The following PCDHGA11 variants were observed in gnomAD, a reference collection of about 807,000 sequenced individuals.
PCDHGA11 encodes the protein protocadherin gamma subfamily A, 11, also known as protocadherin gamma-A11.
Under a neutral mutation model 60.4 loss-of-function variants are expected in PCDHGA11, and 39 were observed. The observed-to-expected ratio is 0.65, with a 90% CI of 0.50 to 0.84. The LOEUF (loss-of-function observed/expected upper bound fraction) is 0.84, where lower values mean the gene tolerates loss of function less well. Among genes scored for constraint, PCDHGA11 ranks in the 40% least tolerant of loss-of-function variants. The probability of loss-of-function intolerance (pLI) is 0.00; values close to 1 mark genes in which losing one functional copy is unlikely to be tolerated. For missense variants in PCDHGA11, 1,165 were observed against 1,197.7 expected (o/e 0.97, Z 0.40); for synonymous variants, 533 against 510.3 (o/e 1.04, Z -0.60).
intron 1 of PCDHGA11, among the ~76,000 whole-genome samples, chr5:141,471,035 G>A (rs2099247157): frequency 7.1e-6 from 1 of 141,386 alleles, no homozygotes; most frequent in Admixed American, 7.1e-5. Flanking sequence ...TTATTAACAA[G>A]CCCAAGCCCT....
At chr5:141,483,640 G>T (rs1406049976) in intron 1 of PCDHGA11, among the ~76,000 whole-genome samples, 3 of 144,232 alleles carry the variant, frequency 2.1e-5, no homozygotes, top group Non-Finnish European at 4.5e-5. Flanking sequence ...GTATAGAGGG[G>T]TGTGTGTTTG....
chr5:141,491,513 A>C lies in PCDHGA11; in HGVS notation c.2434-3294A>C, dbSNP rs1163218369. On this transcript the variant is annotated intron_variant, in intron 1 of 3. Coordinates refer to ENST00000398587, the MANE Select transcript of PCDHGA11 (RefSeq NM_018914.3). The surrounding 1 kb of genome is among the most constrained non-coding windows in gnomAD (Gnocchi z 6.9). ...CAGGTGAGCTCGGACGGCACGCTCAAGTACATGGAGGTGACGCTGCGGCCC... is the reference window on the plus strand; with the variant it reads ...CAGGTGAGCTCGGACGGCACGCTCACGTACATGGAGGTGACGCTGCGGCCC... The C allele has an allele frequency of 6.2e-7, 1 of 1,613,934 alleles. No individual in the cohort carries two copies. Among genetic ancestry groups the C allele is most frequent in the East Asian group, 2.2e-5 (1 of 44,888 alleles).
At position 141,431,056 on chromosome 5, in the gene PCDHGA11, C is replaced by T; in HGVS notation, c.2433+7396C>T. ...ACCGGGAGGAGCTCTGTATGGGGGC[C>T]ATCAAGTGTCAATTAAATCTAGACA... On this transcript the variant is annotated intron_variant, in intron 1 of 3. Transcript: ENST00000398587. The surrounding 1 kb of genome is among the most constrained non-coding windows in gnomAD (Gnocchi z 4.8). 1 of 1,614,126 alleles carries T rather than the reference C, an allele frequency of 6.2e-7. No homozygotes were observed. The highest frequency in any genetic ancestry group is 8.5e-7 in the Non-Finnish European group (1 of 1,180,000).
intron 1 of PCDHGA11, chr5:141,468,330 C>CAAAAAAAAAAAAAAAAGAAAAAAAAAAA (rs2099163578): frequency 1.3e-5 from 1 of 79,888 alleles, no homozygotes; most frequent in African/African-American, 3.9e-5. Flanking sequence ...AACTCCATCT[C>CAAAAAAAAAAAAAAAAGAAAAAAAAAAA]AAAAAAAAAA....
intron 1 of PCDHGA11, chr5:141,484,875 T>G: frequency 3.2e-6 from 1 of 317,108 alleles, no homozygotes; most frequent in Non-Finnish European, 5.8e-6. Context: ...GCGTGGAGGA[T>G]AGGGTGGGCT....
At chr5:141,500,866 A>C (rs576713520) in intron 2 of PCDHGA11, among the ~76,000 whole-genome samples, 1 of 146,112 alleles carries the variant, frequency 6.8e-6, no homozygotes, top group Non-Finnish European at 1.5e-5. Context: ...AAACATACAC[A>C]TTCATTTACA....
intron 1 of PCDHGA11, among the ~76,000 whole-genome samples, chr5:141,445,490 C>T (rs1181158971): frequency 6.6e-6 from 1 of 152,134 alleles, no homozygotes; most frequent in Non-Finnish European, 1.5e-5. Flanking sequence ...AGTTAATGGG[C>T]CCTATTCTAA....
At chr5:141,464,862 C>T (rs1166573359) in intron 1 of PCDHGA11, among the ~76,000 whole-genome samples, 1 of 152,076 alleles carries the variant, frequency 6.6e-6, no homozygotes, top group African/African-American at 2.4e-5. Context: ...CCTTAGCCTC[C>T]CAAGTAGCTA....
chr5:141,456,301 C>CA (rs761557752), intron 1 of PCDHGA11, among the ~76,000 whole-genome samples: 14 of 152,154 alleles, frequency 9.2e-5, no homozygotes, highest in Non-Finnish European at 1.6e-4. Flanking sequence ...TAATGGAGAA[C>CA]AGCAGCTAGG....
intron 1 of PCDHGA11, among the ~76,000 whole-genome samples, chr5:141,451,703 A>G (rs975120935): frequency 6.6e-6 from 1 of 152,144 alleles, no homozygotes; most frequent in Non-Finnish European, 1.5e-5. Flanking sequence ...GTAACATGAC[A>G]AAACCCTGCC....
At position 141,432,455 on chromosome 5, in the gene PCDHGA11, G is replaced by A; in HGVS notation, c.2433+8795G>A. The A allele has an allele frequency of 6.2e-7, 1 of 1,614,176 alleles. No individual in the cohort carries two copies. The highest frequency in any genetic ancestry group is 8.5e-7 in the Non-Finnish European group (1 of 1,180,042). On this transcript the variant is annotated intron_variant, in intron 1 of 3. Transcript: ENST00000398587. The surrounding 1 kb of genome is among the most constrained non-coding windows in gnomAD (Gnocchi z 6.0). ...CAATGCGCCCGAGATCCTGTACCCCGCCCTCCCCACGGACGGTTCCACTGG... is the reference window on the plus strand; with the variant it reads ...CAATGCGCCCGAGATCCTGTACCCCACCCTCCCCACGGACGGTTCCACTGG...
intron 3 of PCDHGA11, among the ~76,000 whole-genome samples, chr5:141,506,011 C>T (rs1209221520): frequency 6.6e-6 from 1 of 152,204 alleles, no homozygotes; most frequent in Non-Finnish European, 1.5e-5. Flanking sequence ...TCCTCTTTTG[C>T]TGCCCCTAAC....
At chr5:141,492,587 C>G (rs2154587748) in intron 1 of PCDHGA11, among the ~76,000 whole-genome samples, 1 of 152,314 alleles carries the variant, frequency 6.6e-6, no homozygotes, top group African/African-American at 2.4e-5. Flanking sequence ...GGGCCAGGAG[C>G]GCTGGAGCGA....
At position 141,423,631 on chromosome 5, in the gene PCDHGA11, T is replaced by G. The variant is rs1452661307; in HGVS notation, c.2404T>G (p.Leu802Val). 2 of 1,603,990 alleles carry G rather than the reference T, an allele frequency of 1.2e-6. No individual in the cohort carries two copies. Among genetic ancestry groups the G allele is most frequent in the African/African-American group, 2.7e-5 (2 of 74,590 alleles). The change falls in exon 1 of 4, where the codon TTA becomes GTA. Residue 802 changes from leucine (L) to valine (V), a missense_variant. By Grantham distance (32) the Leu-to-Val change is conservative. Transcript: ENST00000398587. Reference sequence around the variant, plus strand: ...GATAGCTGAAGACTCAGCTATCATTTTAGGCAAATGTGACCCGACAAGTAA... The same window carrying G: ...GATAGCTGAAGACTCAGCTATCATTGTAGGCAAATGTGACCCGACAAGTAA... ...LLIAEDSAII[L>V]GKCDPTSNQQ...
intron 1 of PCDHGA11, chr5:141,427,983 C>T (rs1390934748): frequency 1.3e-6 from 2 of 1,596,840 alleles, no homozygotes; most frequent in Admixed American, 1.7e-5. Flanking sequence ...CGCGCTGGGG[C>T]CCGATGGCTC....
intron 1 of PCDHGA11, among the ~76,000 whole-genome samples, chr5:141,464,251 C>T (rs1438610569): frequency 1.4e-5 from 2 of 141,396 alleles, no homozygotes; most frequent in Admixed American, 7.5e-5. Flanking sequence ...GGCTACAGAG[C>T]GAGACTCCGT....
At chr5:141,502,169 G>A (rs1366413076) in intron 2 of PCDHGA11, among the ~76,000 whole-genome samples, 1 of 152,110 alleles carries the variant, frequency 6.6e-6, no homozygotes, top group African/African-American at 2.4e-5. Flanking sequence ...ATTCAGTTGA[G>A]GAATTTAACA....
rs150714552 is a variant in PCDHGA11, at chr5:141,473,285, G to A, written c.2434-21522G>A. On this transcript the variant is annotated intron_variant, in intron 1 of 3. Transcript: ENST00000398587. ...GTGTATGCTATGATTATTTTACTATGTCAGTAGCATAAAGATTGCTATATT... is the reference window on the plus strand; with the variant it reads ...GTGTATGCTATGATTATTTTACTATATCAGTAGCATAAAGATTGCTATATT... 3.9e-3 allele frequency among the ~76,000 whole-genome samples: 590 copies of A among 152,296 alleles called. 6 individuals are homozygous for A. Among genetic ancestry groups the A allele is most frequent in the Admixed American group, 0.011 (170 of 15,296 alleles).
chr5:141,454,796 A>ATTTTTTTT (rs61612330), intron 1 of PCDHGA11, among the ~76,000 whole-genome samples: 1,488 of 77,444 alleles, frequency 0.019, 251 homozygotes, highest in African/African-American at 0.042. Flanking sequence ...CATGGTTCTA[A>ATTTTTTTT]TTTTTTTTTT....
Sources: gnomAD v4.1 joint callset for allele counts (sites outside exome capture counted in the v4.1 genomes callset) on GRCh38, gnomAD v4.1.1 for gene constraint, Gnocchi (gnomAD v3.1) non-coding constraint, MANE v1.5 for transcripts, NCBI Gene and HGNC (gene_info 2026-07-23, HGNC 2026-07-21) for gene names.